BANK1: variants seen among roughly 807,000 people sequenced by gnomAD.
BANK1 encodes the protein B cell scaffold protein with ankyrin repeats 1, also known as B-cell scaffold protein with ankyrin repeats.
BANK1 carries 95 observed loss-of-function variants against 94.5 expected under a neutral mutation model. The ratio of observed to expected loss-of-function variants is 1.00; its 90% confidence interval spans 0.85 to 1.19. The LOEUF (loss-of-function observed/expected upper bound fraction) is 1.19, where lower values mean the gene tolerates loss of function less well. BANK1 is among the 50% of genes most tolerant of loss of function. The pLI, the probability that BANK1 is intolerant of heterozygous loss-of-function variation, is 0.00. For missense variants in BANK1, 987 were observed against 932.2 expected (o/e 1.06, Z -0.77); for synonymous variants, 334 against 308.4 (o/e 1.08, Z -0.87).
chr4:101,790,938 C>T lies in BANK1; in HGVS notation c.58C>T (p.Pro20Ser). The T allele has an allele frequency of 2.6e-6, 4 of 1,524,024 alleles. No individual in the cohort carries two copies. Among genetic ancestry groups the T allele is most frequent in the Non-Finnish European group, 3.5e-6 (4 of 1,141,326 alleles). The allele number at this position is 1,524,024 out of a possible 1,614,324, so 94.4% of individuals were successfully genotyped here. A position where few individuals can be genotyped will look rare whatever the true frequency, so the allele number is the denominator to read the frequency against. The change falls in exon 1 of 17, where the codon CCA becomes TCA. Residue 20 changes from proline (P) to serine (S), a missense_variant. Pro to Ser is a moderately conservative substitution (Grantham distance 74). Transcript: ENST00000322953. The part of the protein sequence containing the change: ...LGSPDPAPCG[P>S]APPGNTKDII... ...GAGCCCGGACCCCGCCCCCTGCGGC[C>T]CAGCGCCCCCAGGTGGGTAGTCGCG...
In BANK1 at chr4:101,931,996, G is replaced by A. The variant is rs538447448; in HGVS notation, c.1206+13807G>A. ...GAAAATGATTAAAATATTCCTTCAT[G>A]AGAAAATGTAGTTTGTTTAAGATCC... On this transcript the variant is annotated intron_variant, in intron 7 of 16. Transcript: ENST00000322953. Among the ~76,000 whole-genome samples the A allele has an allele frequency of 6.6e-5, 10 of 151,610 alleles. No homozygotes were observed. The South Asian group carries it at 1.9e-3, about 28-fold the overall frequency.
intron 5 of BANK1, among the ~76,000 whole-genome samples, chr4:101,886,358 A>G (rs1323590153): frequency 2.6e-5 from 4 of 152,236 alleles, no homozygotes; most frequent in Non-Finnish European, 5.9e-5. Flanking sequence ...GGGAAGGGCC[A>G]GAAAGGAAAG....
chr4:101,927,885 C>T (rs73836659), intron 7 of BANK1, among the ~76,000 whole-genome samples: 179 of 151,610 alleles, frequency 1.2e-3, no homozygotes, highest in African/African-American at 4.0e-3. Flanking sequence ...AAGCCAACAA[C>T]GAGCAGCATT....
intron 1 of BANK1, among the ~76,000 whole-genome samples, chr4:101,816,659 A>C (rs1725930247): frequency 6.6e-6 from 1 of 152,042 alleles, no homozygotes; most frequent in Non-Finnish European, 1.5e-5. Context: ...GTGTCACAGA[A>C]GCTTAAGCTA....
intron 1 of BANK1, among the ~76,000 whole-genome samples, chr4:101,819,687 C>G (rs766465667): frequency 6.6e-6 from 1 of 152,116 alleles, no homozygotes; most frequent in Non-Finnish European, 1.5e-5. Context: ...TATTCTCCAT[C>G]GACATCAAAA....
intron 6 of BANK1, among the ~76,000 whole-genome samples, chr4:101,916,073 TAAAACCCAGGAA>T (rs1198704743): frequency 2.0e-5 from 3 of 152,056 alleles, no homozygotes; most frequent in Non-Finnish European, 4.4e-5. Context: ...GGTGTCTGAT[TAAAACCCAGGAA>T]AAATTACCTT....
chr4:101,846,271 T>C (rs1727240142), intron 2 of BANK1, among the ~76,000 whole-genome samples: 1 of 152,220 alleles, frequency 6.6e-6, no homozygotes, highest in African/African-American at 2.4e-5. Flanking sequence ...TCATGTCCTT[T>C]GTAGGGACAT....
intron 7 of BANK1, among the ~76,000 whole-genome samples, chr4:101,950,612 A>G (rs1724115690): frequency 6.6e-6 from 1 of 152,208 alleles, no homozygotes; most frequent in Non-Finnish European, 1.5e-5. Flanking sequence ...GGAAAAATTC[A>G]TAACAAACAT....
rs555344425 is a variant in BANK1 at position 101,894,377 on chromosome 4, C to T, written c.904-928C>T. On this transcript the variant is annotated intron_variant, in intron 5 of 16. Transcript: ENST00000322953. ...CATTCCTTCTTTTCACTTCTTAGCA[C>T]GACTTTCAAGAAATCCAGGGAGACC... Among the ~76,000 whole-genome samples the T allele has an allele frequency of 2.8e-4, 42 of 152,112 alleles. No individual in the cohort carries two copies. In the South Asian group the frequency reaches 7.0e-3, roughly 26 times the overall value.
chr4:102,032,362 T>C (rs1475887321), intron 10 of BANK1: 1 of 152,210 alleles, frequency 6.6e-6, no homozygotes, highest in Non-Finnish European at 1.5e-5. Flanking sequence ...TCTGTTGTTC[T>C]TTTTTGTAGA....
intron 7 of BANK1, among the ~76,000 whole-genome samples, chr4:101,937,268 G>A (rs1723597689): frequency 6.6e-6 from 1 of 151,792 alleles, no homozygotes; most frequent in Non-Finnish European, 1.5e-5. Context: ...CTTCTGCACA[G>A]CAAAATAAAC....
chr4:101,927,753 G>T (rs1345700591), intron 7 of BANK1, among the ~76,000 whole-genome samples: 3 of 151,594 alleles, frequency 2.0e-5, no homozygotes, highest in African/African-American at 7.3e-5. Context: ...AGATGAGGAA[G>T]ATTGAATGAA....
intron 12 of BANK1, chr4:102,062,818 G>T: frequency 2.7e-6 from 1 of 375,730 alleles, no homozygotes; most frequent in Non-Finnish European, 5.0e-6. Context: ...ACTATGAATT[G>T]GGAAAGTTAC....
rs73834540 is a variant in BANK1 at position 101,990,222 on chromosome 4, G to C, written c.1207-31292G>C. Reference sequence around the variant, plus strand: ...CAAATCTAATTATTTTCCTTGTTCAGCTTATAAAAAACAAAACAAGCAAAA... The same window carrying C: ...CAAATCTAATTATTTTCCTTGTTCACCTTATAAAAAACAAAACAAGCAAAA... On this transcript the variant is annotated intron_variant, in intron 7 of 16. Transcript: ENST00000322953. Among the ~76,000 whole-genome samples the C allele has an allele frequency of 1.1e-3, 160 of 152,216 alleles. 2 individuals are homozygous for C. Among genetic ancestry groups the C allele is most frequent in the African/African-American group, 3.5e-3 (144 of 41,554 alleles).
chr4:101,918,242 A>G, intron 7 of BANK1, 53 bp downstream of exon 7: 1 of 1,252,648 alleles, frequency 8.0e-7, no homozygotes, highest in Non-Finnish European at 1.1e-6. Context: ...ATATTGTAGA[A>G]GAGACTGTAA....
chr4:101,796,738 G>C (rs1398706566), intron 1 of BANK1, among the ~76,000 whole-genome samples: 1 of 152,038 alleles, frequency 6.6e-6, no homozygotes, highest in Non-Finnish European at 1.5e-5. Context: ...CCCATGTTTT[G>C]TTAACAGGAT....
intron 5 of BANK1, among the ~76,000 whole-genome samples, chr4:101,893,312 G>A (rs183433467): frequency 6.6e-6 from 1 of 151,920 alleles, no homozygotes; most frequent in African/African-American, 2.4e-5. Context: ...CTCAGATCTG[G>A]AAGGAATCCC....
At chr4:101,869,514 C>T (rs1307620838) in intron 4 of BANK1, among the ~76,000 whole-genome samples, 2 of 151,878 alleles carry the variant, frequency 1.3e-5, no homozygotes, top group East Asian at 3.9e-4. Flanking sequence ...GCTCCTTGAC[C>T]TAGTTAAGCT....
intron 11 of BANK1, among the ~76,000 whole-genome samples, chr4:102,049,175 G>A (rs2658534): frequency 0.59 from 90,245 of 151,902 alleles, 27,002 homozygotes; most frequent in Admixed American, 0.65. Flanking sequence ...TCCAGTGACT[G>A]GATTGCTTGC....
Sources: gnomAD v4.1 joint callset for allele counts (sites outside exome capture counted in the v4.1 genomes callset) on GRCh38, gnomAD v4.1.1 for gene constraint, MANE v1.5 for transcripts, NCBI Gene and HGNC (gene_info 2026-07-23, HGNC 2026-07-21) for gene names.